COG5: variants seen among roughly 807,000 people sequenced by gnomAD.
COG5 encodes conserved oligomeric Golgi complex subunit 5.
A neutral mutation model predicts 110.4 loss-of-function variants in COG5; 86 were observed. The observed-to-expected ratio is 0.78, with a 90% CI of 0.65 to 0.93. The LOEUF (loss-of-function observed/expected upper bound fraction) is 0.93, where lower values mean the gene tolerates loss of function less well. COG5 is among the 40% of genes least tolerant of loss of function. The probability of loss-of-function intolerance (pLI) is 0.00; values close to 1 mark genes in which losing one functional copy is unlikely to be tolerated. For synonymous variants in COG5, 360 were observed against 334.6 expected (o/e 1.08, Z -0.83); for missense variants, 1,077 against 987.0 (o/e 1.09, Z -1.22).
intron 11 of COG5, among the ~76,000 whole-genome samples, chr7:107,312,865 C>CA (rs2117004586): frequency 7.5e-6 from 1 of 132,618 alleles, no homozygotes; most frequent in South Asian, 2.5e-4. Context: ...GAAAAACTAA[C>CA]AAAGCTTTTA....
intron 10 of COG5, among the ~76,000 whole-genome samples, chr7:107,332,940 G>GCAGA (rs1414329625): frequency 6.6e-6 from 1 of 152,154 alleles, no homozygotes; most frequent in Admixed American, 6.5e-5. Flanking sequence ...TGAAAAAGAA[G>GCAGA]CAGACACCTT....
rs1446360215 is a variant in COG5 at position 107,251,430 on chromosome 7, C to T, written c.1750-2931G>A. ...ATTTAAAATAATCATTAAAAATCAT[C>T]ATTTGGCTGCTCTGCCTATGAAGTA... On this transcript the variant is annotated intron_variant, in intron 16 of 21. Transcript: ENST00000297135. 2.6e-5 allele frequency among the ~76,000 whole-genome samples: 4 copies of T among 151,974 alleles called. No homozygotes were observed. The East Asian group carries it at 5.8e-4, about 22-fold the overall frequency.
At position 107,414,703 on chromosome 7, in the gene COG5, C is replaced by CTTTTT. The variant is rs530323655; in HGVS notation, c.539-2076_539-2072dup. ...ATTGATTCCAAAATCCTCACTGTCCCTTTTTTTTTTTTTTTTTTTTTTTTT... is the reference window on the plus strand; with the variant it reads ...ATTGATTCCAAAATCCTCACTGTCCCTTTTTTTTTTTTTTTTTTTTTTTTTTTTTT... On this transcript the variant is annotated intron_variant, in intron 6 of 21. Coordinates refer to ENST00000297135, the MANE Select transcript of COG5 (RefSeq NM_006348.5). 2.1e-3 allele frequency among the ~76,000 whole-genome samples: 128 copies of CTTTTT among 61,704 alleles called. 27 individuals are homozygous for CTTTTT. Among genetic ancestry groups the CTTTTT allele is most frequent in the East Asian group, 3.6e-3 (9 of 2,490 alleles). 40.5% of individuals were successfully genotyped at this position (61,704 alleles called of 152,430 possible). A position where few individuals can be genotyped will look rare whatever the true frequency, so the allele number is the denominator to read the frequency against.
At chr7:107,443,658 C>G (rs1195078080) in intron 6 of COG5, among the ~76,000 whole-genome samples, 1 of 152,058 alleles carries the variant, frequency 6.6e-6, no homozygotes, top group Admixed American at 6.6e-5. Flanking sequence ...TTGCTGACAG[C>G]CCAGAAATAT....
At chr7:107,547,763 A>G (rs1297363730) in intron 5 of COG5, among the ~76,000 whole-genome samples, 1 of 151,908 alleles carries the variant, frequency 6.6e-6, no homozygotes, top group African/African-American at 2.4e-5. Flanking sequence ...AATCAGAAAA[A>G]CAATCCCATT....
At chr7:107,527,103 T>C (rs1337057809) in intron 6 of COG5, 134 bp downstream of exon 6, 2 of 693,104 alleles carry the variant, frequency 2.9e-6, no homozygotes, top group Admixed American at 2.9e-5. Context: ...TGTTACAATA[T>C]TGTATACAGC....
In COG5 at chr7:107,247,291, T is replaced by C. The variant is rs138058306; in HGVS notation, c.1853+1105A>G. Among the ~76,000 whole-genome samples, 1,477 of 152,240 alleles carry C rather than the reference T, an allele frequency of 9.7e-3. 22 individuals are homozygous for C. Among genetic ancestry groups the C allele is most frequent in the African/African-American group, 0.034 (1,423 of 41,540 alleles). ...GGTACTGGGCCTAATACCTGGGTGA[T>C]GAAATAATATGTACAACAAATCTCC... On this transcript the variant is annotated intron_variant, in intron 17 of 21. Coordinates refer to ENST00000297135, the MANE Select transcript of COG5 (RefSeq NM_006348.5).
At chr7:107,490,424 T>C (rs1039316694) in intron 6 of COG5, among the ~76,000 whole-genome samples, 4 of 152,124 alleles carry the variant, frequency 2.6e-5, no homozygotes, top group African/African-American at 9.7e-5. Context: ...AAAAATACCA[T>C]CTTTTTTTTT....
chr7:107,206,119 C>A (rs1033652580), intron 21 of COG5, among the ~76,000 whole-genome samples: 3 of 152,102 alleles, frequency 2.0e-5, no homozygotes, highest in Non-Finnish European at 4.4e-5. Flanking sequence ...CGCCATTGCA[C>A]CCGGCTAATT....
At chr7:107,395,218 C>T (rs1485506835) in intron 7 of COG5, among the ~76,000 whole-genome samples, 1 of 151,662 alleles carries the variant, frequency 6.6e-6, no homozygotes, top group Non-Finnish European at 1.5e-5. Context: ...AAATAAGAAA[C>T]CCCAGAATCA....
At chr7:107,513,440 A>G (rs527852126) in intron 6 of COG5, among the ~76,000 whole-genome samples, 56 of 152,314 alleles carry the variant, frequency 3.7e-4, no homozygotes, top group African/African-American at 1.3e-3. Context: ...ACACTTTTAC[A>G]CTGTTGGTGG....
intron 7 of COG5, among the ~76,000 whole-genome samples, chr7:107,403,893 G>A (rs1218818687): frequency 6.7e-6 from 1 of 149,390 alleles, no homozygotes; most frequent in African/African-American, 2.5e-5. Flanking sequence ...TTACAGTTAG[G>A]TGACTCTATT....
chr7:107,245,946 G>A (rs1025059521), intron 17 of COG5, among the ~76,000 whole-genome samples: 9 of 152,140 alleles, frequency 5.9e-5, no homozygotes, highest in Non-Finnish European at 8.8e-5. Flanking sequence ...GAGACATCAC[G>A]TTACCTGACT....
At chr7:107,438,605 G>A (rs1037013659) in intron 6 of COG5, among the ~76,000 whole-genome samples, 5 of 152,178 alleles carry the variant, frequency 3.3e-5, no homozygotes, top group Non-Finnish European at 7.3e-5. Flanking sequence ...GGACTGAGAA[G>A]TTATATTTCC....
intron 7 of COG5, among the ~76,000 whole-genome samples, chr7:107,391,531 G>C (rs1394908146): frequency 6.6e-6 from 1 of 151,974 alleles, no homozygotes; most frequent in Non-Finnish European, 1.5e-5. Flanking sequence ...CTGTGCTTTT[G>C]GTGTCATATC....
At position 107,524,834 on chromosome 7, in the gene COG5, A is replaced by G. The variant is rs116415657; in HGVS notation, c.538+2403T>C. On this transcript the variant is annotated intron_variant, in intron 6 of 21. Coordinates refer to ENST00000297135, the MANE Select transcript of COG5 (RefSeq NM_006348.5). ...CAATCTTTATAAAAACTTTAGGTAA[A>G]GCCAACAGCACATTGGAAGGATAAT... Among the ~76,000 whole-genome samples the G allele has an allele frequency of 4.5e-3, 692 of 152,334 alleles. 6 individuals are homozygous for G. The highest frequency in any genetic ancestry group is 0.016 in the African/African-American group (669 of 41,578).
At chr7:107,299,783 T>C (rs900277459) in intron 11 of COG5, among the ~76,000 whole-genome samples, 81 of 144,464 alleles carry the variant, frequency 5.6e-4, no homozygotes, top group African/African-American at 1.9e-3. Flanking sequence ...AAAAGTATAA[T>C]ACATCATGAC....
intron 10 of COG5, among the ~76,000 whole-genome samples, chr7:107,357,530 C>T (rs1812736857): frequency 1.3e-5 from 2 of 152,064 alleles, no homozygotes; most frequent in Non-Finnish European, 2.9e-5. Context: ...GTGTCTGAAA[C>T]AGCAATCTTT....
intron 6 of COG5, among the ~76,000 whole-genome samples, chr7:107,415,651 C>T (rs552798860): frequency 6.6e-6 from 1 of 151,094 alleles, no homozygotes; most frequent in Non-Finnish European, 1.5e-5. Flanking sequence ...AGCACAAACG[C>T]ATTTATTACA....
Sources: gnomAD v4.1 joint callset for allele counts (sites outside exome capture counted in the v4.1 genomes callset) on GRCh38, gnomAD v4.1.1 for gene constraint, MANE v1.5 for transcripts, NCBI Gene and HGNC (gene_info 2026-07-23, HGNC 2026-07-21) for gene names.